KIAA1549: variants seen among roughly 807,000 people sequenced by gnomAD.
KIAA1549 encodes the protein UPF0606 protein KIAA1549.
A neutral mutation model predicts 156.4 loss-of-function variants in KIAA1549; 70 were observed. The ratio of observed to expected loss-of-function variants is 0.45; its 90% CI spans 0.37 to 0.55. The LOEUF is 0.55. Among genes scored for constraint, KIAA1549 ranks in the 20% least tolerant of loss-of-function variants. The pLI, the probability that KIAA1549 is intolerant of heterozygous loss-of-function variation, is 0.00. For synonymous variants in KIAA1549, 1,103 were observed against 1,066.4 expected (o/e 1.03, Z -0.67); for missense variants, 2,428 against 2,540.9 (o/e 0.96, Z 0.96).
intron 5 of KIAA1549, among the ~76,000 whole-genome samples, chr7:138,908,562 A>C (rs1812073982): frequency 6.6e-6 from 1 of 152,252 alleles, no homozygotes; most frequent in South Asian, 2.1e-4. Flanking sequence ...TTTTGGAAAG[A>C]GAGAGGAAAG....
At chr7:138,973,841 A>G (rs974290588) in intron 1 of KIAA1549, among the ~76,000 whole-genome samples, 1 of 152,166 alleles carries the variant, frequency 6.6e-6, no homozygotes, top group Non-Finnish European at 1.5e-5. Context: ...ACAAGGTCTC[A>G]CTATGTTACC....
intron 1 of KIAA1549, among the ~76,000 whole-genome samples, chr7:138,931,613 G>A (rs566533247): frequency 6.6e-5 from 10 of 152,136 alleles, no homozygotes; most frequent in South Asian, 2.1e-4. Context: ...CTAGCCAGGC[G>A]TGGTGGCAGG....
At chr7:138,871,904 G>A (rs1056922110) in intron 12 of KIAA1549, among the ~76,000 whole-genome samples, 1 of 152,198 alleles carries the variant, frequency 6.6e-6, no homozygotes, top group African/African-American at 2.4e-5. Flanking sequence ...GTTCTGATGT[G>A]GAAAGAAAAC....
At chr7:138,967,562 G>A (rs1814068174) in intron 1 of KIAA1549, among the ~76,000 whole-genome samples, 1 of 152,128 alleles carries the variant, frequency 6.6e-6, no homozygotes, top group African/African-American at 2.4e-5. Flanking sequence ...AATTCTAGGG[G>A]CTAGGAAAAC....
At chr7:138,936,189 G>A (rs1349626351) in intron 1 of KIAA1549, among the ~76,000 whole-genome samples, 1 of 152,156 alleles carries the variant, frequency 6.6e-6, no homozygotes, top group Non-Finnish European at 1.5e-5. Flanking sequence ...TAAAAAAGAT[G>A]ATCAAATTCA....
chr7:138,976,784 T>A (rs1814393289), intron 1 of KIAA1549, among the ~76,000 whole-genome samples: 1 of 152,212 alleles, frequency 6.6e-6, no homozygotes, highest in Non-Finnish European at 1.5e-5. Context: ...CATATCCGGA[T>A]CAGTGGTTCC....
At chr7:138,915,522 A>C (rs1584752434) in intron 2 of KIAA1549, among the ~76,000 whole-genome samples, 1 of 151,794 alleles carries the variant, frequency 6.6e-6, no homozygotes. Flanking sequence ...ACTGACGTGT[A>C]CCTGCCATCA....
chr7:138,836,454 T>G lies in KIAA1549; in HGVS notation c.*1452A>C, dbSNP rs981471746. ...AGCAACAAAACAGCCTAATGACACA[T>G]TTCTCAGAATGCATCCCCATCATTA... On this transcript the variant is annotated 3_prime_UTR_variant, in exon 20 of 20. Transcript: ENST00000422774. 1 of 214,104 alleles carries G rather than the reference T, an allele frequency of 4.7e-6. No individual in the cohort carries two copies. Among genetic ancestry groups the G allele is most frequent in the Admixed American group, 5.8e-5 (1 of 17,120 alleles). The allele number at this position is 214,104 out of a possible 1,614,324, so 13.3% of individuals were successfully genotyped here.
intron 9 of KIAA1549, among the ~76,000 whole-genome samples, chr7:138,896,560 G>A (rs1287277394): frequency 6.6e-6 from 1 of 151,308 alleles, no homozygotes. Flanking sequence ...TGAGACAACT[G>A]GACACTCTTC....
intron 18 of KIAA1549, among the ~76,000 whole-genome samples, chr7:138,841,696 T>G (rs575145590): frequency 1.1e-4 from 16 of 152,308 alleles, no homozygotes; most frequent in African/African-American, 3.8e-4. Context: ...AGTCTATTCC[T>G]ACTCTAGTTG....
In KIAA1549 at chr7:138,899,084, T is replaced by C. The variant is rs1811769580; in HGVS notation, c.3718A>G (p.Ile1240Val). ...LEGDDNPVQL[I>V]YFVEDQDGER... ...CCATCTTGATCCTCCACAAAGTAGA[T>C]GAGCTGTACCGGATTGTCATCTCCC... The change falls in exon 9 of 20, where the codon ATC (isoleucine) becomes GTC (valine). Residue 1240 changes from isoleucine to valine, a missense_variant. Physicochemically the swap from Ile to Val is conservative, Grantham distance 29. Transcript: ENST00000422774. 1.2e-6 allele frequency: 2 copies of C among 1,613,916 alleles called. No homozygotes were observed. Among genetic ancestry groups the C allele is most frequent in the South Asian group, 1.1e-5 (1 of 91,080 alleles).
At chr7:138,925,615 C>T (rs1321629523) in intron 1 of KIAA1549, among the ~76,000 whole-genome samples, 1 of 152,026 alleles carries the variant, frequency 6.6e-6, no homozygotes, top group Non-Finnish European at 1.5e-5. Context: ...GAGCGAATGG[C>T]TTGAGCCCTG....
At chr7:138,960,397 C>CA (rs1392226100) in intron 1 of KIAA1549, among the ~76,000 whole-genome samples, 1 of 103,640 alleles carries the variant, frequency 9.6e-6, no homozygotes, top group Non-Finnish European at 1.8e-5. Context: ...GCAACCTCTG[C>CA]CCCCCGGTTC....
intron 12 of KIAA1549, among the ~76,000 whole-genome samples, chr7:138,876,099 T>TATC (rs1811077552): frequency 6.6e-6 from 1 of 152,286 alleles, no homozygotes; most frequent in East Asian, 1.9e-4. Context: ...CTTCATTGTA[T>TATC]ATCACCAGCA....
intron 15 of KIAA1549, among the ~76,000 whole-genome samples, chr7:138,866,907 A>C (rs1431395197): frequency 6.6e-6 from 1 of 152,076 alleles, no homozygotes; most frequent in Non-Finnish European, 1.5e-5. Context: ...GGCTGAAGCG[A>C]TTCTCCCACC....
At chr7:138,850,923 A>T (rs1009182637) in intron 17 of KIAA1549, among the ~76,000 whole-genome samples, 3 of 152,100 alleles carry the variant, frequency 2.0e-5, no homozygotes, top group African/African-American at 7.2e-5. Context: ...ATTTTTTAAG[A>T]TTTGTTATGG....
At chr7:138,867,551 T>C (rs1319514791) in intron 15 of KIAA1549, among the ~76,000 whole-genome samples, 1 of 114,642 alleles carries the variant, frequency 8.7e-6, no homozygotes, top group Non-Finnish European at 1.7e-5. Context: ...TAAGACCCTG[T>C]CCCAAAAAAA....
intron 1 of KIAA1549, among the ~76,000 whole-genome samples, chr7:138,955,835 T>C (rs1156820355): frequency 6.6e-6 from 1 of 152,202 alleles, no homozygotes; most frequent in African/African-American, 2.4e-5. Flanking sequence ...GACAAACTTT[T>C]TTTATCCCAA....
intron 17 of KIAA1549, among the ~76,000 whole-genome samples, chr7:138,846,718 C>T (rs1272072476): frequency 6.6e-6 from 1 of 152,022 alleles, no homozygotes; most frequent in Non-Finnish European, 1.5e-5. Flanking sequence ...CTCCAGGAGT[C>T]TGAGAACTTC....
Sources: allele counts gnomAD v4.1 joint callset (sites outside exome capture counted in the v4.1 genomes callset), GRCh38; gene constraint gnomAD v4.1.1; transcripts MANE v1.5; gene names NCBI Gene and HGNC (gene_info 2026-07-23, HGNC 2026-07-21).